Variants in SLC25A25 observed in about 807,000 individuals in gnomAD.
SLC25A25 encodes mitochondrial adenyl nucleotide antiporter SLC25A25.
In SLC25A25, 32 loss-of-function variants were observed where a neutral mutation model predicts 57.7. The observed-to-expected ratio is 0.55, with a 90% CI of 0.42 to 0.74. The LOEUF (loss-of-function observed/expected upper bound fraction) is 0.74. Among genes scored for constraint, SLC25A25 ranks in the 30% least tolerant of loss-of-function variants. The probability of loss-of-function intolerance (pLI) is 0.00; values close to 1 mark genes in which losing one functional copy is unlikely to be tolerated. For missense variants in SLC25A25, 556 were observed against 701.3 expected (o/e 0.79, Z 2.34); for synonymous variants, 306 against 291.2 (o/e 1.05, Z -0.52).
At chr9:128,082,407 G>T (rs1164356366) in intron 1 of SLC25A25, among the ~76,000 whole-genome samples, 1 of 152,154 alleles carries the variant, frequency 6.6e-6, no homozygotes, top group Non-Finnish European at 1.5e-5. Flanking sequence ...CTGCCTTACA[G>T]CCTGAAACTC....
Position 128,106,439 on chromosome 9 carries a change from G to T in SLC25A25, c.1131G>T (p.Gly377=), listed in dbSNP as rs1408311186. 3.1e-6 allele frequency: 5 copies of T among 1,613,534 alleles called. No homozygotes were observed. The highest frequency in any genetic ancestry group is 4.2e-6 in the Non-Finnish European group (5 of 1,179,916). Residue 377 remains glycine, a synonymous_variant, in exon 9 of 11, where the codon GGG becomes GGT. Transcript: ENST00000373069. ...DCARRILARE[G]VAAFYKGYVP... The stretch of plus-strand genomic sequence containing the variant: ...CCAGGAGGATCCTGGCCAGAGAGGG[G>T]GTGGCCGCCTTCTACAAAGGCTATG...
chr9:128,068,303 C>T lies in SLC25A25; in HGVS notation c.-17C>T, dbSNP rs911623498. ...CCCCCGCTCCCGCCCGCGCCCGGAG[C>T]CCCTGCCTCGCGCCCGATGGTGAGC... On this transcript the variant is annotated 5_prime_UTR_variant, in exon 1 of 11. Coordinates refer to ENST00000373069, the MANE Select transcript of SLC25A25 (RefSeq NM_001330988.2). The T allele has an allele frequency of 1.5e-6, 2 of 1,353,900 alleles. No individual in the cohort carries two copies. The highest frequency in any genetic ancestry group is 3.5e-5 in the South Asian group (2 of 56,450). The allele number at this position is 1,353,900 out of a possible 1,614,324, so 83.9% of individuals were successfully genotyped here. A position where few individuals can be genotyped will look rare whatever the true frequency, so the allele number is the denominator to read the frequency against.
At position 128,068,473 on chromosome 9, in the gene SLC25A25, A is replaced by G. The variant is rs138886536; in HGVS notation, c.154A>G (p.Arg52Gly). Residue 52 changes from arginine (R) to glycine (G), a missense_variant, in exon 1 of 11, where the codon AGA becomes GGA. This residue lies in a region of SLC25A25 where 248 missense variants were observed against 273.5 expected (regional missense o/e 0.91). Coordinates refer to ENST00000373069, the MANE Select transcript of SLC25A25 (RefSeq NM_001330988.2). ...GGPDHRLRLW[R>G]LFQTLDVNRD... Reference sequence around the variant, plus strand: ...CCCGGACCACCGGCTGCGCCTGTGGAGACTCTTTCAGACGCTCGACGTCAA... The same window carrying G: ...CCCGGACCACCGGCTGCGCCTGTGGGGACTCTTTCAGACGCTCGACGTCAA... 6.6e-7 allele frequency: 1 copy of G among 1,525,998 alleles called. No homozygotes were observed. The highest frequency in any genetic ancestry group is 2.6e-5 in the East Asian group (1 of 38,558). 94.5% of individuals were successfully genotyped at this position (1,525,998 alleles called of 1,614,324 possible).
rs1833828546 is a variant in SLC25A25 at position 128,102,207 on chromosome 9, G to A, written c.512+92G>A. On this transcript the variant is annotated intron_variant, in intron 4 of 10. Transcript: ENST00000373069. This position sits in a 1 kb window ranked among gnomAD's most constrained non-coding sequence, Gnocchi z 4.1. Reference sequence around the variant, plus strand: ...TGGGCCATTATATTGCCATTGTTGTGCTAAGTGGGGTGTGGAGCCCCCTGC... The same window carrying A: ...TGGGCCATTATATTGCCATTGTTGTACTAAGTGGGGTGTGGAGCCCCCTGC... The A allele has an allele frequency of 3.3e-6, 5 of 1,501,616 alleles. No homozygotes were observed. The highest frequency in any genetic ancestry group is 4.5e-6 in the Non-Finnish European group (5 of 1,102,172). 93.0% of individuals were successfully genotyped at this position (1,501,616 alleles called of 1,614,324 possible). A position where few individuals can be genotyped will look rare whatever the true frequency, so the allele number is the denominator to read the frequency against.
At chr9:128,071,461 G>A (rs528741853) in intron 1 of SLC25A25, among the ~76,000 whole-genome samples, 2 of 152,172 alleles carry the variant, frequency 1.3e-5, no homozygotes, top group African/African-American at 2.4e-5. Context: ...AAGCAGGAGT[G>A]CAATGGAATG....
chr9:128,094,926 C>T (rs180915562), intron 1 of SLC25A25, among the ~76,000 whole-genome samples: 1 of 152,314 alleles, frequency 6.6e-6, no homozygotes, highest in Non-Finnish European at 1.5e-5. Flanking sequence ...TAGGAATGGA[C>T]ATCGGAGGAG....
intron 1 of SLC25A25, among the ~76,000 whole-genome samples, chr9:128,071,777 T>C (rs947216748): frequency 6.6e-6 from 1 of 151,858 alleles, no homozygotes; most frequent in African/African-American, 2.4e-5. Flanking sequence ...AGTGCGATGG[T>C]GTGATTTCAC....
chr9:128,082,266 T>C (rs1244694254), intron 1 of SLC25A25, among the ~76,000 whole-genome samples: 1 of 152,204 alleles, frequency 6.6e-6, no homozygotes, highest in African/African-American at 2.4e-5. Context: ...AGATCATGGA[T>C]TTCCTTTTTT....
chr9:128,075,343 C>T (rs556173352), intron 1 of SLC25A25, among the ~76,000 whole-genome samples: 3 of 151,936 alleles, frequency 2.0e-5, no homozygotes, highest in African/African-American at 7.3e-5. Flanking sequence ...GAGCACGAGC[C>T]TGTCTGATCT....
At chr9:128,106,005 G>C (rs1834015910) in intron 7 of SLC25A25, 124 bp downstream of exon 7, 1 of 1,533,922 alleles carries the variant, frequency 6.5e-7, no homozygotes, top group Non-Finnish European at 8.9e-7. Flanking sequence ...GGGACAGCAG[G>C]GCGAGGCAGG....
chr9:128,085,560 GT>G (rs1833256778), intron 1 of SLC25A25, among the ~76,000 whole-genome samples: 1 of 152,156 alleles, frequency 6.6e-6, no homozygotes, highest in South Asian at 2.1e-4. Context: ...GTCTAGGGAA[GT>G]TTAAGATAAA....
intron 1 of SLC25A25, among the ~76,000 whole-genome samples, chr9:128,071,325 TC>T (rs1288286576): frequency 6.6e-6 from 1 of 152,212 alleles, no homozygotes; most frequent in Non-Finnish European, 1.5e-5. Flanking sequence ...CCATGACAGA[TC>T]TAAGTTCTAT....
intron 1 of SLC25A25, among the ~76,000 whole-genome samples, chr9:128,084,363 C>T (rs537663290): frequency 6.6e-6 from 1 of 151,722 alleles, no homozygotes; most frequent in Non-Finnish European, 1.5e-5. Flanking sequence ...TGGGTTCAAG[C>T]GATTCTCCTG....
chr9:128,105,695 C>T (rs763062143), intron 6 of SLC25A25, 34 bp from the exon 7 acceptor site: 63 of 1,611,450 alleles, frequency 3.9e-5, no homozygotes, highest in Admixed American at 1.2e-4. Flanking sequence ...TGTGGCCCCC[C>T]GGGTCCGTCT....
chr9:128,099,291 A>T lies in SLC25A25; in HGVS notation c.262-1805A>T, dbSNP rs1364957981. 20 of 1,284,212 alleles carry T rather than the reference A, an allele frequency of 1.6e-5. No individual in the cohort carries two copies. Among genetic ancestry groups the T allele is most frequent in the Non-Finnish European group, 1.9e-5 (19 of 986,938 alleles). The allele number at this position is 1,284,212 out of a possible 1,614,324, so 79.6% of individuals were successfully genotyped here. A position where few individuals can be genotyped will look rare whatever the true frequency, so the allele number is the denominator to read the frequency against. ...TACCCCCAGTGCCCACTGTGCACCA[A>T]GGGGGATTTGCAGATCCAAGGAAGG... On this transcript the variant is annotated intron_variant, in intron 1 of 10. Coordinates refer to ENST00000373069, the MANE Select transcript of SLC25A25 (RefSeq NM_001330988.2). This position sits in a 1 kb window ranked among gnomAD's most constrained non-coding sequence, Gnocchi z 6.8.
Position 128,106,499 on chromosome 9 carries a change from C to A in SLC25A25, c.1191C>A (p.Gly397=). 1 of 1,608,956 alleles carries A rather than the reference C, an allele frequency of 6.2e-7. No homozygotes were observed. Among genetic ancestry groups the A allele is most frequent in the Non-Finnish European group, 8.5e-7 (1 of 1,178,950 alleles). ...TGCTGGGCATCATCCCCTATGCCGG[C>A]ATCGACCTTGCAGTCTACGAGGTGA... is the stretch of plus-strand genomic sequence containing the variant. The part of the protein sequence containing the change: ...PNMLGIIPYA[G]IDLAVYETLK... The change falls in exon 9 of 11, where the codon GGC becomes GGA. Residue 397 remains glycine, a synonymous_variant. Coordinates refer to ENST00000373069, the MANE Select transcript of SLC25A25 (RefSeq NM_001330988.2).
At chr9:128,105,997 G>A in intron 7 of SLC25A25, 116 bp downstream of exon 7, 5 of 1,543,852 alleles carry the variant, frequency 3.2e-6, no homozygotes, top group Non-Finnish European at 4.4e-6. Context: ...GTACCCCAGG[G>A]ACAGCAGGGC....
intron 1 of SLC25A25, among the ~76,000 whole-genome samples, chr9:128,090,492 C>A (rs922877377): frequency 6.6e-6 from 1 of 151,678 alleles, no homozygotes; most frequent in Non-Finnish European, 1.5e-5. Flanking sequence ...CCACCACATC[C>A]GGCCTTGTGT....
In SLC25A25 at chr9:128,092,914, A is replaced by T. The variant is rs148149149; in HGVS notation, c.262-8182A>T. Among the ~76,000 whole-genome samples, 24 of 152,328 alleles carry T rather than the reference A, an allele frequency of 1.6e-4. No homozygotes were observed. In the East Asian group the frequency reaches 3.7e-3, roughly 23 times the overall value. On this transcript the variant is annotated intron_variant, in intron 1 of 10. Transcript: ENST00000373069. ...TTTTAAGGAGACTAATGGAGTGCTC[A>T]GTATTAGAAAGGAAATTGCCACTTG...
Sources: gnomAD v4.1 joint callset for allele counts (sites outside exome capture counted in the v4.1 genomes callset) on GRCh38, gnomAD v4.1.1 for gene constraint, gnomAD v4.1.1 regional missense constraint, Gnocchi (gnomAD v3.1) non-coding constraint, MANE v1.5 for transcripts, NCBI Gene and HGNC (gene_info 2026-07-23, HGNC 2026-07-21) for gene names.